Variants in PRKG1 observed in about 807,000 individuals in gnomAD.
PRKG1 encodes cGMP-dependent protein kinase 1.
In PRKG1, 35 loss-of-function variants were observed where a neutral mutation model predicts 88.1. The ratio of observed to expected loss-of-function variants is 0.40; its 90% CI spans 0.30 to 0.53. PRKG1 has a LOEUF of 0.53. Ranked by LOEUF, PRKG1 falls within the 20% of genes least tolerant of loss-of-function variation. The pLI, the probability that PRKG1 is intolerant of heterozygous loss-of-function variation, is 0.59. For synonymous variants in PRKG1, 303 were observed against 292.5 expected (o/e 1.04, Z -0.37); for missense variants, 540 against 839.8 (o/e 0.64, Z 4.41).
chr10:51,750,741 C>T (rs546665535), intron 3 of PRKG1, among the ~76,000 whole-genome samples: 24 of 152,144 alleles, frequency 1.6e-4, no homozygotes, highest in Admixed American at 9.2e-4. Flanking sequence ...CTTCCTCCCA[C>T]GAAACATAAA....
At chr10:51,959,288 T>C (rs1843388871) in intron 5 of PRKG1, among the ~76,000 whole-genome samples, 1 of 152,100 alleles carries the variant, frequency 6.6e-6, no homozygotes, top group South Asian at 2.1e-4. Context: ...TTGGAGAAGA[T>C]TTTGTAGAGG....
chr10:51,656,597 G>T (rs1344137494), intron 3 of PRKG1, among the ~76,000 whole-genome samples: 1 of 151,996 alleles, frequency 6.6e-6, no homozygotes, highest in Non-Finnish European at 1.5e-5. Context: ...TCCTCGCCTT[G>T]GCTATAATGG....
chr10:51,925,501 G>A (rs1842555386), intron 5 of PRKG1, among the ~76,000 whole-genome samples: 1 of 152,070 alleles, frequency 6.6e-6, no homozygotes, highest in Non-Finnish European at 1.5e-5. Flanking sequence ...CCTTATCAAA[G>A]ACTAGAGGGA....
chr10:51,074,337 T>G, upstream of PRKG1: 3 of 788,294 alleles, frequency 3.8e-6, no homozygotes, highest in Admixed American at 3.6e-5. Context: ...TAATCCCGGG[T>G]TGGACCTGCT....
chr10:51,354,874 G>T (rs1487524921), intron 2 of PRKG1, among the ~76,000 whole-genome samples: 1 of 152,040 alleles, frequency 6.6e-6, no homozygotes, highest in Non-Finnish European at 1.5e-5. Flanking sequence ...AACAGATTAA[G>T]GGTCTTTCAT....
chr10:51,274,241 G>A (rs1330738543), intron 2 of PRKG1, among the ~76,000 whole-genome samples: 1 of 152,098 alleles, frequency 6.6e-6, no homozygotes, highest in Non-Finnish European at 1.5e-5. Flanking sequence ...CACTTTCAAT[G>A]ATAAAACACT....
rs75373547 is a variant in PRKG1 at position 51,186,065 on chromosome 10, A to G, written c.478+32735A>G. Among the ~76,000 whole-genome samples, 220 of 152,054 alleles carry G rather than the reference A, an allele frequency of 1.4e-3. 2 individuals are homozygous for G. In the East Asian group the frequency reaches 0.037, roughly 25 times the overall value. On this transcript the variant is annotated intron_variant, in intron 2 of 17. Coordinates refer to ENST00000373980, the MANE Select transcript of PRKG1 (RefSeq NM_006258.4). ...TTCCATATGCATGTTTTGCTTGAGT[A>G]CCTGAATAAATCTTTTTGTATCTTA...
intron 5 of PRKG1, among the ~76,000 whole-genome samples, chr10:52,035,132 A>G (rs1490841170): frequency 6.6e-6 from 1 of 152,152 alleles, no homozygotes; most frequent in East Asian, 1.9e-4. Context: ...AAACTGAGGA[A>G]TTATGTCTGA....
intron 1 of PRKG1, among the ~76,000 whole-genome samples, chr10:51,059,944 A>C (rs895150825): frequency 3.2e-4 from 49 of 152,158 alleles, no homozygotes; most frequent in African/African-American, 1.1e-3. Flanking sequence ...ATTTGTCTCT[A>C]TCTCTTCTTA....
chr10:51,440,627 A>G (rs1839075140), intron 2 of PRKG1, among the ~76,000 whole-genome samples: 1 of 151,986 alleles, frequency 6.6e-6, no homozygotes, highest in Admixed American at 6.6e-5. Flanking sequence ...ACTGATTTCA[A>G]CATCTGAACT....
intron 1 of PRKG1, among the ~76,000 whole-genome samples, chr10:51,137,931 A>G (rs1489192173): frequency 6.6e-6 from 1 of 152,246 alleles, no homozygotes; most frequent in African/African-American, 2.4e-5. Context: ...GGGAAGAAAC[A>G]CATGAATTTT....
intron 9 of PRKG1, among the ~76,000 whole-genome samples, chr10:52,191,462 A>G (rs376177321): frequency 3.3e-5 from 5 of 151,860 alleles, no homozygotes; most frequent in East Asian, 1.9e-4. Context: ...GCCACTGAAC[A>G]TGGCCTGGGT....
rs1281701899 is a variant in PRKG1, at chr10:51,710,370, T to C, written c.593-94215T>C. 2.6e-5 allele frequency among the ~76,000 whole-genome samples: 4 copies of C among 152,224 alleles called. No individual in the cohort carries two copies. In the East Asian group the frequency reaches 7.7e-4, roughly 29 times the overall value. On this transcript the variant is annotated intron_variant, in intron 3 of 17. Coordinates refer to ENST00000373980, the MANE Select transcript of PRKG1 (RefSeq NM_006258.4). Reference sequence around the variant, plus strand: ...TCTGAGGTTCAAGATGAAAGATTTTTTTTTTCTTTATTACTGAGAAAAGCA... The same window carrying C: ...TCTGAGGTTCAAGATGAAAGATTTTCTTTTTCTTTATTACTGAGAAAAGCA...
chr10:51,746,751 G>T (rs1005549464), intron 3 of PRKG1, among the ~76,000 whole-genome samples: 10 of 150,020 alleles, frequency 6.7e-5, no homozygotes, highest in Admixed American at 1.3e-4. Flanking sequence ...AAGAAAAAAA[G>T]AAAAGAAAGA....
intron 3 of PRKG1, among the ~76,000 whole-genome samples, chr10:51,721,172 C>T (rs1434543320): frequency 6.7e-6 from 1 of 149,378 alleles, no homozygotes; most frequent in Non-Finnish European, 1.5e-5. Flanking sequence ...CATGATTATG[C>T]CACTGCACTC....
At chr10:51,040,729 A>G (rs1177728750) in intron 1 of PRKG1, among the ~76,000 whole-genome samples, 2 of 152,034 alleles carry the variant, frequency 1.3e-5, no homozygotes, top group Admixed American at 1.3e-4. Flanking sequence ...TGTAAATGGG[A>G]TTACTTTCTT....
chr10:50,998,012 T>C (rs1455176996), intron 1 of PRKG1, among the ~76,000 whole-genome samples: 1 of 152,094 alleles, frequency 6.6e-6, no homozygotes, highest in Non-Finnish European at 1.5e-5. Context: ...GAAAGGAGGG[T>C]TTACTTCTTA....
intron 3 of PRKG1, chr10:51,698,942 C>A: frequency 6.2e-7 from 1 of 1,614,194 alleles, no homozygotes; most frequent in African/African-American, 1.3e-5. Flanking sequence ...CTGAGATTTG[C>A]CTGGGATCAG....
At chr10:51,669,858 G>A (rs1840513408) in intron 3 of PRKG1, among the ~76,000 whole-genome samples, 2 of 152,208 alleles carry the variant, frequency 1.3e-5, no homozygotes, top group South Asian at 4.2e-4. Flanking sequence ...TTAATTTCTG[G>A]TCAGTATTGT....
Sources: gnomAD v4.1 joint callset for allele counts (sites outside exome capture counted in the v4.1 genomes callset) on GRCh38, gnomAD v4.1.1 for gene constraint, MANE v1.5 for transcripts, NCBI Gene and HGNC (gene_info 2026-07-23, HGNC 2026-07-21) for gene names.